STAU2: variants seen among roughly 807,000 people sequenced by gnomAD.
STAU2 encodes the protein double-stranded RNA-binding protein Staufen homolog 2.
Under a neutral mutation model 65.9 loss-of-function variants are expected in STAU2, and 20 were observed. The observed-to-expected ratio is 0.30, with a 90% CI of 0.21 to 0.44. STAU2 has a LOEUF of 0.44. STAU2 is among the 20% of genes least tolerant of loss of function. The pLI, the probability that STAU2 is intolerant of heterozygous loss-of-function variation, is 1.00. For missense variants in STAU2, 558 were observed against 683.9 expected (o/e 0.82, Z 2.05); for synonymous variants, 232 against 233.9 (o/e 0.99, Z 0.07).
At chr8:73,494,232 A>G (rs1821285929) in intron 13 of STAU2, among the ~76,000 whole-genome samples, 1 of 151,750 alleles carries the variant, frequency 6.6e-6, no homozygotes, top group Non-Finnish European at 1.5e-5. Context: ...GGGTGGAGGG[A>G]GTATACAGAT....
intron 3 of STAU2, among the ~76,000 whole-genome samples, chr8:73,736,185 G>C (rs1202460086): frequency 6.6e-6 from 1 of 152,198 alleles, no homozygotes; most frequent in Non-Finnish European, 1.5e-5. Context: ...GGGAGAGTTA[G>C]TTGCATTTGT....
At chr8:73,555,300 A>G (rs1807653502) in intron 12 of STAU2, among the ~76,000 whole-genome samples, 1 of 147,968 alleles carries the variant, frequency 6.8e-6, no homozygotes, top group Non-Finnish European at 1.5e-5. Context: ...TTTGTGTTCT[A>G]GGAAACCTCA....
chr8:73,641,784 A>G (rs1165071447), intron 6 of STAU2, among the ~76,000 whole-genome samples: 1 of 152,246 alleles, frequency 6.6e-6, no homozygotes, highest in Non-Finnish European at 1.5e-5. Context: ...TTCTTAAAAC[A>G]TACTTTAGAA....
chr8:73,617,901 A>G (rs961918590), intron 6 of STAU2, among the ~76,000 whole-genome samples: 1 of 152,218 alleles, frequency 6.6e-6, no homozygotes, highest in African/African-American at 2.4e-5. Context: ...ATGCAAAGTA[A>G]TAAGGAGAGC....
chr8:73,422,994 C>T (rs10282951), intron 13 of STAU2, among the ~76,000 whole-genome samples: 66,813 of 151,812 alleles, frequency 0.44, 15,085 homozygotes, highest in Admixed American at 0.53. Flanking sequence ...AAAATACTTC[C>T]ATGGTGACAT....
intron 13 of STAU2, among the ~76,000 whole-genome samples, chr8:73,439,503 A>C (rs1033073461): frequency 3.9e-5 from 6 of 152,226 alleles, no homozygotes; most frequent in Non-Finnish European, 7.3e-5. Flanking sequence ...CTGTAATCCC[A>C]GCTACTCAAG....
At chr8:73,481,806 T>C (rs1297684656) in intron 13 of STAU2, among the ~76,000 whole-genome samples, 1 of 152,098 alleles carries the variant, frequency 6.6e-6, no homozygotes, top group East Asian at 1.9e-4. Context: ...ATGTAACCAG[T>C]GAGTTTTGGG....
intron 6 of STAU2, chr8:73,669,157 T>C (rs1563494912): frequency 1.4e-6 from 1 of 700,276 alleles, no homozygotes; most frequent in South Asian, 1.5e-5. Context: ...AACAGCCTAC[T>C]GAGTAATGGT....
rs375924538 is a variant in STAU2, at chr8:73,634,464, G to A, written c.411-17013C>T. Reference sequence around the variant, plus strand: ...AATCATTTGAACCTGGGAGGCAGAAGACATAGTAAGCTGAGATTGCGCCAC... The same window carrying A: ...AATCATTTGAACCTGGGAGGCAGAAAACATAGTAAGCTGAGATTGCGCCAC... On this transcript the variant is annotated intron_variant, in intron 6 of 14. Transcript: ENST00000524300. Among the ~76,000 whole-genome samples the A allele has an allele frequency of 1.5e-4, 23 of 152,164 alleles. No individual in the cohort carries two copies. In the East Asian group the frequency reaches 2.1e-3, roughly 14 times the overall value.
At chr8:73,575,225 C>G (rs1280080954) in intron 12 of STAU2, among the ~76,000 whole-genome samples, 2 of 151,216 alleles carry the variant, frequency 1.3e-5, no homozygotes, top group Non-Finnish European at 2.9e-5. Flanking sequence ...ATAGAAATGG[C>G]TCATAGATCT....
At chr8:73,618,008 G>A (rs1436093361) in intron 6 of STAU2, among the ~76,000 whole-genome samples, 3 of 152,102 alleles carry the variant, frequency 2.0e-5, no homozygotes, top group African/African-American at 7.2e-5. Context: ...GGCTAATGAG[G>A]TGTGACTAAA....
intron 13 of STAU2, among the ~76,000 whole-genome samples, chr8:73,449,320 T>C (rs1352176360): frequency 1.3e-5 from 2 of 152,232 alleles, no homozygotes; most frequent in African/African-American, 2.4e-5. Context: ...GGCGGCCTTC[T>C]GGCTGCGTCC....
chr8:73,443,048 A>G (rs1818277408), intron 13 of STAU2, among the ~76,000 whole-genome samples: 4 of 152,238 alleles, frequency 2.6e-5, no homozygotes, highest in Admixed American at 2.6e-4. Flanking sequence ...CAACTTGGGC[A>G]AGGGATGTTA....
intron 3 of STAU2, among the ~76,000 whole-genome samples, chr8:73,731,718 A>G (rs1386624190): frequency 6.6e-6 from 1 of 152,090 alleles, no homozygotes; most frequent in East Asian, 1.9e-4. Flanking sequence ...CAGGAGGATC[A>G]CCTGAGGTCA....
At chr8:73,634,415 C>A (rs767461453) in intron 6 of STAU2, among the ~76,000 whole-genome samples, 4 of 152,128 alleles carry the variant, frequency 2.6e-5, no homozygotes, top group African/African-American at 4.8e-5. Context: ...GTAATCCCAG[C>A]TCCTTGGGAG....
At chr8:73,589,215 C>T (rs1369717526) in intron 11 of STAU2, among the ~76,000 whole-genome samples, 1 of 152,150 alleles carries the variant, frequency 6.6e-6, no homozygotes, top group African/African-American at 2.4e-5. Context: ...ACTGATGCAA[C>T]CCTCGATCCA....
At chr8:73,597,504 T>TA (rs869107695) in intron 10 of STAU2, among the ~76,000 whole-genome samples, 2,747 of 87,688 alleles carry the variant, frequency 0.031, 80 homozygotes, top group African/African-American at 0.097. Flanking sequence ...AATACAAAAA[T>TA]AAAAAAAAAA....
At chr8:73,453,375 G>A (rs149109540) in intron 13 of STAU2, among the ~76,000 whole-genome samples, 103 of 152,320 alleles carry the variant, frequency 6.8e-4, no homozygotes, top group African/African-American at 2.2e-3. Context: ...TCCCAAACAC[G>A]TGAATTTGAG....
intron 13 of STAU2, among the ~76,000 whole-genome samples, chr8:73,456,153 CTTG>C (rs56230244): frequency 0.26 from 39,776 of 151,966 alleles, 5,654 homozygotes; most frequent in East Asian, 0.53. Flanking sequence ...GTGTTTCTAT[CTTG>C]TTGTCATGGA....
Sources: gnomAD v4.1 joint callset for allele counts (sites outside exome capture counted in the v4.1 genomes callset) on GRCh38, gnomAD v4.1.1 for gene constraint, MANE v1.5 for transcripts, NCBI Gene and HGNC (gene_info 2026-07-23, HGNC 2026-07-21) for gene names.